Variants in NEDD4L observed in about 807,000 individuals in gnomAD.
NEDD4L encodes the protein E3 ubiquitin-protein ligase NEDD4-like.
NEDD4L carries 54 observed loss-of-function variants against 148.9 expected under a neutral mutation model. The ratio of observed to expected loss-of-function variants is 0.36; its 90% CI spans 0.29 to 0.45. The LOEUF (loss-of-function observed/expected upper bound fraction) is 0.45. Ranked by LOEUF, NEDD4L falls within the 20% of genes least tolerant of loss-of-function variation. NEDD4L has a pLI of 1.00. For missense variants in NEDD4L, 856 were observed against 1,233.8 expected (o/e 0.69, Z 4.59); for synonymous variants, 433 against 440.7 (o/e 0.98, Z 0.22).
chr18:58,388,908 G>A, intron 27 of NEDD4L, 177 bp from the exon 28 acceptor site: 2 of 623,778 alleles, frequency 3.2e-6, no homozygotes, highest in Non-Finnish European at 5.9e-6. Context: ...CTGCCTCTGT[G>A]ATCTGCTATG....
chr18:58,093,380 C>T (rs2084193880), intron 1 of NEDD4L, among the ~76,000 whole-genome samples: 1 of 152,182 alleles, frequency 6.6e-6, no homozygotes, highest in African/African-American at 2.4e-5. Flanking sequence ...CATTCTCATT[C>T]AGCCTCTCAA....
At position 58,342,930 on chromosome 18, in the gene NEDD4L, C is replaced by T. The variant is rs1199827684; in HGVS notation, c.1402C>T (p.Arg468Trp). Residue 468 changes from arginine (R) to tryptophan (W), a missense_variant, in exon 16 of 31, where the codon CGG becomes TGG. Transcript: ENST00000400345. Reference sequence around the variant, plus strand: ...GGGTGCCAAGGACTCACCCGTACGTCGGGCTGTGAAAGACACCCTTTCCAA... The same window carrying T: ...GGGTGCCAAGGACTCACCCGTACGTTGGGCTGTGAAAGACACCCTTTCCAA... Reference protein sequence around the residue: ...LEGAKDSPVRRAVKDTLSNPQ... With the variant: ...LEGAKDSPVRWAVKDTLSNPQ... 5 of 1,611,618 alleles carry T rather than the reference C, an allele frequency of 3.1e-6. No individual in the cohort carries two copies. Among genetic ancestry groups the T allele is most frequent in the South Asian group, 2.2e-5 (2 of 90,420 alleles).
At chr18:58,311,820 G>C (rs1568656232) in intron 5 of NEDD4L, among the ~76,000 whole-genome samples, 2 of 152,162 alleles carry the variant, frequency 1.3e-5, no homozygotes, top group Non-Finnish European at 2.9e-5. Flanking sequence ...TGACAGATTT[G>C]ACCTAGTGTG....
rs753933452 is a variant in NEDD4L, at chr18:58,357,424, G to A, written c.1767+172G>A. The A allele has an allele frequency of 5.5e-6, 4 of 726,080 alleles. No individual in the cohort carries two copies. The African/African-American group carries it at 6.9e-5, about 13-fold the overall frequency. 45.0% of individuals were successfully genotyped at this position (726,080 alleles called of 1,614,324 possible). The stretch of plus-strand genomic sequence containing the variant: ...TACTGAAGTTTCCAGGTGAGGTACA[G>A]CTGCATGTGCCTTTTCAGATGGATT... On this transcript the variant is annotated intron_variant, in intron 19 of 30. Coordinates refer to ENST00000400345, the MANE Select transcript of NEDD4L (RefSeq NM_001144967.3).
intron 1 of NEDD4L, among the ~76,000 whole-genome samples, chr18:58,106,794 G>A (rs576948744): frequency 2.6e-5 from 4 of 152,258 alleles, no homozygotes; most frequent in South Asian, 2.1e-4. Context: ...TTGCATGAGA[G>A]ACTCAACCAC....
rs377624656 is a variant in NEDD4L at position 58,390,708 on chromosome 18, G to A, written c.2718G>A (p.Ser906=). Residue 906 remains serine (S), a synonymous_variant, in exon 29 of 31, where the codon TCG becomes TCA. Coordinates refer to ENST00000400345, the MANE Select transcript of NEDD4L (RefSeq NM_001144967.3). ...IRLLQFVTGT[S]RVPMNGFAEL... ...TACTGCAGTTTGTCACAGGGACATC[G>A]CGAGTACCTATGAATGGATTTGCCG... 19 of 1,599,612 alleles carry A rather than the reference G, an allele frequency of 1.2e-5. No individual in the cohort carries two copies. Among genetic ancestry groups the A allele is most frequent in the South Asian group, 2.3e-5 (2 of 88,122 alleles).
chr18:58,227,354 C>T (rs1397692373), intron 2 of NEDD4L, among the ~76,000 whole-genome samples: 1 of 152,134 alleles, frequency 6.6e-6, no homozygotes, highest in Non-Finnish European at 1.5e-5. Flanking sequence ...AGGGAGTCTC[C>T]AGGCAGTCTT....
rs1434986550 is a variant in NEDD4L at position 58,341,007 on chromosome 18, A to AT, written c.1126-29dup. The stretch of plus-strand genomic sequence containing the variant: ...ACTGATCAGAAAACAAATGCAAGGT[A>AT]TTAAATAATAATGATTTCTTGCACA... On this transcript the variant is annotated intron_variant, in intron 13 of 30. Transcript: ENST00000400345. 2.5e-6 allele frequency: 4 copies of AT among 1,591,940 alleles called. No individual in the cohort carries two copies. The South Asian group carries it at 4.6e-5, about 18-fold the overall frequency.
chr18:58,196,982 CA>C (rs2040783900), intron 2 of NEDD4L, among the ~76,000 whole-genome samples: 1 of 152,088 alleles, frequency 6.6e-6, no homozygotes, highest in Non-Finnish European at 1.5e-5. Context: ...TGAAGCATGT[CA>C]GAAAGAACAT....
intron 19 of NEDD4L, among the ~76,000 whole-genome samples, chr18:58,360,253 G>C (rs1484644729): frequency 6.6e-6 from 1 of 152,176 alleles, no homozygotes; most frequent in African/African-American, 2.4e-5. Flanking sequence ...CTCTGTTCTG[G>C]AAAATTCTCA....
At chr18:58,266,062 TATC>T (rs2050177581) in intron 5 of NEDD4L, among the ~76,000 whole-genome samples, 1 of 152,118 alleles carries the variant, frequency 6.6e-6, no homozygotes, top group African/African-American at 2.4e-5. Flanking sequence ...TGTATTTAAA[TATC>T]ATATGTATTT....
At chr18:58,384,458 TC>T (rs1275893777) in intron 25 of NEDD4L, among the ~76,000 whole-genome samples, 2 of 152,358 alleles carry the variant, frequency 1.3e-5, no homozygotes, top group Admixed American at 1.3e-4. Context: ...GACACCATTG[TC>T]TTCCTTCAGA....
At chr18:58,334,077 C>G (rs1272782514) in intron 12 of NEDD4L, 185 bp downstream of exon 12, 3 of 487,348 alleles carry the variant, frequency 6.2e-6, no homozygotes, top group African/African-American at 5.9e-5. Context: ...TTACTGCCAC[C>G]CATCTCTAAA....
Position 58,351,133 on chromosome 18 carries a change from A to T in NEDD4L, c.1708+88A>T. 3 of 1,540,372 alleles carry T rather than the reference A, an allele frequency of 1.9e-6. No homozygotes were observed. In the Admixed American group the frequency reaches 5.9e-5, roughly 30 times the overall value. ...ATCATAGTGAAAGCTTTGTCATTTT[A>T]CTCTTTATCTAGGCAGCCAGGTGTT... On this transcript the variant is annotated intron_variant, in intron 18 of 30. Transcript: ENST00000400345.
At chr18:58,094,037 G>A (rs1024178518) in intron 1 of NEDD4L, among the ~76,000 whole-genome samples, 9 of 152,134 alleles carry the variant, frequency 5.9e-5, no homozygotes, top group Non-Finnish European at 1.2e-4. Context: ...GGCAGATACA[G>A]CATGGATTGG....
intron 1 of NEDD4L, among the ~76,000 whole-genome samples, chr18:58,152,545 A>AATAG (rs1453751238): frequency 1.3e-5 from 2 of 152,210 alleles, no homozygotes; most frequent in Admixed American, 1.3e-4. Flanking sequence ...AATGTATGTA[A>AATAG]ATAGCATCTT....
chr18:58,284,533 C>T (rs981786681), intron 5 of NEDD4L, among the ~76,000 whole-genome samples: 24 of 150,662 alleles, frequency 1.6e-4, no homozygotes, highest in Non-Finnish European at 2.1e-4. Flanking sequence ...GCTGGAGTTG[C>T]TTTTGATGGT....
intron 19 of NEDD4L, 182 bp downstream of exon 19, chr18:58,357,434 C>T: frequency 1.4e-6 from 1 of 715,214 alleles, no homozygotes; most frequent in Non-Finnish European, 2.6e-6. Flanking sequence ...GCTGCATGTG[C>T]CTTTTCAGAT....
chr18:58,149,139 G>A (rs528864919), intron 1 of NEDD4L, among the ~76,000 whole-genome samples: 2 of 152,328 alleles, frequency 1.3e-5, no homozygotes, highest in South Asian at 4.1e-4. Context: ...TTAAAACAGA[G>A]TGTACTTCTG....
Sources: gnomAD v4.1 joint callset for allele counts (sites outside exome capture counted in the v4.1 genomes callset) on GRCh38, gnomAD v4.1.1 for gene constraint, MANE v1.5 for transcripts, NCBI Gene and HGNC (gene_info 2026-07-23, HGNC 2026-07-21) for gene names.